Variants in ZNF423 observed in about 807,000 individuals in gnomAD.
The protein encoded by ZNF423 is zinc finger protein 423.
In ZNF423, 12 loss-of-function variants were observed where a neutral mutation model predicts 95.8. The ratio of observed to expected loss-of-function variants is 0.13; its 90% CI spans 0.08 to 0.20. The LOEUF (loss-of-function observed/expected upper bound fraction) is 0.20. ZNF423 is among the 10% of genes least tolerant of loss of function. The pLI is 1.00. For missense variants in ZNF423, 1,316 were observed against 1,737.1 expected (o/e 0.76, Z 4.31); for synonymous variants, 749 against 711.9 (o/e 1.05, Z -0.83).
intron 7 of ZNF423, among the ~76,000 whole-genome samples, chr16:49,507,435 A>G (rs1967690918): frequency 6.6e-6 from 1 of 152,090 alleles, no homozygotes; most frequent in South Asian, 2.1e-4. Context: ...CGCCTGGCCA[A>G]TACCACATTT....
At position 49,855,434 on chromosome 16, in the gene ZNF423, G is replaced by C. The variant is rs1567373614; in HGVS notation, c.40+301C>G. Among the ~76,000 whole-genome samples the C allele has an allele frequency of 1.3e-5, 2 of 151,124 alleles. No homozygotes were observed. The highest frequency in any genetic ancestry group is 6.6e-5 in the Admixed American group (1 of 15,194). ...CGGAGGGAGCGGCAAGGGCCCCTTAGCGGCGCCCCCAGGCCTGGGTCCCCC... is the reference window on the plus strand; with the variant it reads ...CGGAGGGAGCGGCAAGGGCCCCTTACCGGCGCCCCCAGGCCTGGGTCCCCC... On this transcript the variant is annotated intron_variant, in intron 1 of 7. Transcript: ENST00000563137. This position sits in a 1 kb window ranked among gnomAD's most constrained non-coding sequence, Gnocchi z 4.7.
intron 7 of ZNF423, among the ~76,000 whole-genome samples, chr16:49,513,279 G>C (rs1967972137): frequency 6.6e-6 from 1 of 152,164 alleles, no homozygotes; most frequent in Non-Finnish European, 1.5e-5. Context: ...ACACCCATCT[G>C]GGCCCTGGTC....
At chr16:49,663,287 T>C (rs2030340961) in intron 3 of ZNF423, among the ~76,000 whole-genome samples, 1 of 152,192 alleles carries the variant, frequency 6.6e-6, no homozygotes, top group Admixed American at 6.5e-5. Flanking sequence ...GTTTGCCATC[T>C]CGGTAGCCTG....
chr16:49,673,222 C>T (rs933705796), intron 3 of ZNF423, among the ~76,000 whole-genome samples: 3 of 152,194 alleles, frequency 2.0e-5, no homozygotes, highest in Non-Finnish European at 4.4e-5. Flanking sequence ...CAGCAGGACT[C>T]CCAGATGCCT....
intron 2 of ZNF423, among the ~76,000 whole-genome samples, chr16:49,747,221 T>C (rs1477530794): frequency 6.6e-6 from 1 of 152,100 alleles, no homozygotes; most frequent in East Asian, 1.9e-4. Context: ...GATAGATAGA[T>C]TGTGGTACAT....
At chr16:49,858,762 G>A (rs1448327832), upstream of ZNF423, among the ~76,000 whole-genome samples, 2 of 151,924 alleles carry the variant, frequency 1.3e-5, no homozygotes, top group African/African-American at 2.4e-5. The surrounding 1 kb of genome is among the most constrained non-coding windows in gnomAD (Gnocchi z 4.3). Context: ...ACGGAGTTGG[G>A]CTGAACCGGG....
chr16:49,656,536 T>C (rs1861337), intron 3 of ZNF423, among the ~76,000 whole-genome samples: 100,934 of 151,378 alleles, frequency 0.67, 33,827 homozygotes, highest in East Asian at 0.76. Context: ...AAAAGGCAAG[T>C]GGGTAAATGG....
chr16:49,497,579 G>A (rs79102132), intron 7 of ZNF423, among the ~76,000 whole-genome samples: 6,448 of 152,264 alleles, frequency 0.042, 197 homozygotes, highest in Non-Finnish European at 0.067. Flanking sequence ...CACCCGGCCT[G>A]CACATCACCT....
intron 1 of ZNF423, among the ~76,000 whole-genome samples, chr16:49,798,323 C>T (rs543036676): frequency 1.2e-4 from 19 of 152,278 alleles, no homozygotes; most frequent in Admixed American, 1.2e-3. Context: ...ACCTGGCCAA[C>T]ATAATGAAAC....
intron 7 of ZNF423, chr16:49,518,081 C>A: frequency 2.2e-6 from 1 of 448,326 alleles, no homozygotes; most frequent in Non-Finnish European, 4.5e-6. Context: ...CAGGATCACA[C>A]TGACAATGGA....
intron 3 of ZNF423, among the ~76,000 whole-genome samples, chr16:49,721,044 G>A (rs947271208): frequency 6.6e-6 from 1 of 152,242 alleles, no homozygotes; most frequent in African/African-American, 2.4e-5. Context: ...TGGAGGTGCT[G>A]GGGCACCTCT....
At chr16:49,818,399 T>G (rs2034889519) in intron 1 of ZNF423, among the ~76,000 whole-genome samples, 2 of 152,050 alleles carry the variant, frequency 1.3e-5, no homozygotes, top group African/African-American at 4.8e-5. Flanking sequence ...ATGTGAGTAT[T>G]TAAATAAAAA....
chr16:49,557,995 G>T (rs1969890318), intron 5 of ZNF423, among the ~76,000 whole-genome samples: 1 of 152,212 alleles, frequency 6.6e-6, no homozygotes, highest in Non-Finnish European at 1.5e-5. Flanking sequence ...AAAGACGAGG[G>T]TCCCACCACA....
At chr16:49,776,580 C>T (rs112178461) in intron 2 of ZNF423, among the ~76,000 whole-genome samples, 4,799 of 152,342 alleles carry the variant, frequency 0.032, 259 homozygotes, top group African/African-American at 0.11. Flanking sequence ...ACCCTGGGGA[C>T]AGGCCTGCCA....
At chr16:49,820,436 AG>A (rs1396256019) in intron 1 of ZNF423, among the ~76,000 whole-genome samples, 4 of 152,238 alleles carry the variant, frequency 2.6e-5, no homozygotes, top group Non-Finnish European at 4.4e-5. Context: ...AGCAAACAAG[AG>A]CTGACAATCT....
intron 7 of ZNF423, chr16:49,518,282 G>GT (rs1319560082): frequency 2.6e-6 from 1 of 388,922 alleles, no homozygotes; most frequent in Non-Finnish European, 5.0e-6. Context: ...GACCCCCAAG[G>GT]TAAGTATATT....
intron 1 of ZNF423, among the ~76,000 whole-genome samples, chr16:49,809,833 G>T (rs904062567): frequency 6.6e-6 from 1 of 152,104 alleles, no homozygotes; most frequent in African/African-American, 2.4e-5. Context: ...GGGGCTGGAG[G>T]GTCCACCCGG....
At chr16:49,768,447 C>T (rs1278083652) in intron 2 of ZNF423, among the ~76,000 whole-genome samples, 1 of 152,226 alleles carries the variant, frequency 6.6e-6, no homozygotes, top group Non-Finnish European at 1.5e-5. Flanking sequence ...AAACGAAGAG[C>T]CGGTGTCATC....
intron 1 of ZNF423, among the ~76,000 whole-genome samples, chr16:49,790,851 G>A (rs183002644): frequency 1.3e-5 from 2 of 152,294 alleles, no homozygotes; most frequent in South Asian, 2.1e-4. Context: ...ATGGGATAAC[G>A]TCTGTGCAGC....
Sources: allele counts gnomAD v4.1 joint callset (sites outside exome capture counted in the v4.1 genomes callset), GRCh38; gene constraint gnomAD v4.1.1; non-coding constraint Gnocchi (gnomAD v3.1); transcripts MANE v1.5; gene names NCBI Gene and HGNC (gene_info 2026-07-23, HGNC 2026-07-21).